The following PCDH15 variants were observed in gnomAD, a reference collection of about 807,000 sequenced individuals.
PCDH15 encodes protocadherin-15.
Under a neutral mutation model 178.5 loss-of-function variants are expected in PCDH15, and 129 were observed. That is an observed-to-expected ratio of 0.72 (90% confidence interval 0.63 to 0.84). PCDH15 has a LOEUF of 0.84. Ranked by LOEUF, PCDH15 falls within the 40% of genes least tolerant of loss-of-function variation. The pLI is 0.00. For synonymous variants in PCDH15, 800 were observed against 732.0 expected, an observed-to-expected ratio of 1.09 and a Z score of -1.50; for missense variants, 2,230 against 2,099.9, an observed-to-expected ratio of 1.06 and a Z score of -1.21.
intron 26 of PCDH15, among the ~76,000 whole-genome samples, chr10:53,901,414 G>A (rs574324409): frequency 5.3e-5 from 8 of 152,048 alleles, no homozygotes; most frequent in South Asian, 2.1e-4. Context: ...AATCCTATAT[G>A]TTCTATCCTT....
chr10:54,926,359 C>A (rs1837626081), intron 2 of PCDH15, among the ~76,000 whole-genome samples: 1 of 151,864 alleles, frequency 6.6e-6, no homozygotes, highest in Non-Finnish European at 1.5e-5. Flanking sequence ...CAGTATTTTG[C>A]TGTGGAGTTT....
intron 2 of PCDH15, among the ~76,000 whole-genome samples, chr10:54,927,579 G>C (rs771754695): frequency 4.6e-5 from 7 of 152,034 alleles, no homozygotes; most frequent in Non-Finnish European, 1.0e-4. Flanking sequence ...AAGTCTCTTT[G>C]AAGTTCTCTA....
At chr10:55,183,954 T>C (rs1484424911) in intron 1 of PCDH15, among the ~76,000 whole-genome samples, 1 of 152,014 alleles carries the variant, frequency 6.6e-6, no homozygotes, top group Non-Finnish European at 1.5e-5. Flanking sequence ...TGTGAAAATA[T>C]AAATGGATTG....
intron 25 of PCDH15, among the ~76,000 whole-genome samples, chr10:53,905,727 T>C (rs996844284): frequency 3.9e-5 from 6 of 152,186 alleles, no homozygotes; most frequent in African/African-American, 1.4e-4. Flanking sequence ...TACCAAATTG[T>C]TCCTATGAAA....
chr10:53,872,413 C>T (rs1305890037), intron 26 of PCDH15, among the ~76,000 whole-genome samples: 4 of 152,160 alleles, frequency 2.6e-5, no homozygotes, highest in African/African-American at 9.7e-5. Flanking sequence ...TAGTTAAGAC[C>T]TCTTCTTTGA....
chr10:54,158,661 T>C (rs1254012827), intron 13 of PCDH15, among the ~76,000 whole-genome samples: 1 of 152,230 alleles, frequency 6.6e-6, no homozygotes, highest in Non-Finnish European at 1.5e-5. Context: ...TAAAGATGAT[T>C]GAATTGTGCA....
chr10:54,896,372 G>T (rs1236220518), intron 3 of PCDH15, among the ~76,000 whole-genome samples: 1 of 152,106 alleles, frequency 6.6e-6, no homozygotes, highest in Non-Finnish European at 1.5e-5. Flanking sequence ...AGTTTGAAAA[G>T]ATTCCAAATT....
intron 2 of PCDH15, among the ~76,000 whole-genome samples, chr10:55,478,861 C>G (rs1050632426): frequency 6.7e-6 from 1 of 149,862 alleles, no homozygotes; most frequent in Non-Finnish European, 1.5e-5. Context: ...CAACCATACA[C>G]CAACAAATTG....
At chr10:55,243,058 A>C (rs1314347436) in intron 1 of PCDH15, among the ~76,000 whole-genome samples, 2 of 152,162 alleles carry the variant, frequency 1.3e-5, no homozygotes, top group African/African-American at 4.8e-5. Context: ...ATTTTTTTTC[A>C]AAACAACTTT....
chr10:54,103,414 A>G (rs957210723), intron 15 of PCDH15, among the ~76,000 whole-genome samples: 1 of 152,162 alleles, frequency 6.6e-6, no homozygotes, highest in Admixed American at 6.6e-5. Flanking sequence ...CTTGGGATCC[A>G]ATTACTCCTA....
At chr10:55,591,555 A>C (rs1307497886) in intron 2 of PCDH15, among the ~76,000 whole-genome samples, 1 of 152,210 alleles carries the variant, frequency 6.6e-6, no homozygotes, top group East Asian at 1.9e-4. Flanking sequence ...GTCAATAATT[A>C]AACATAATTA....
intron 2 of PCDH15, among the ~76,000 whole-genome samples, chr10:55,330,287 T>C (rs1844165622): frequency 1.3e-5 from 2 of 151,950 alleles, no homozygotes; most frequent in South Asian, 4.1e-4. Context: ...AGAAACAAGA[T>C]ATATTTGCCT....
intron 14 of PCDH15, among the ~76,000 whole-genome samples, chr10:54,146,162 C>G (rs1392448073): frequency 6.6e-6 from 1 of 151,798 alleles, no homozygotes; most frequent in Non-Finnish European, 1.5e-5. Context: ...TAATGATAAA[C>G]TTAGCATGTA....
chr10:55,151,946 C>T (rs1442884051), intron 2 of PCDH15, among the ~76,000 whole-genome samples: 2 of 151,724 alleles, frequency 1.3e-5, no homozygotes, highest in Admixed American at 1.3e-4. Context: ...AGAGGTAAAT[C>T]AGGGAAGAAG....
chr10:54,978,194 T>C (rs566807397), intron 2 of PCDH15, among the ~76,000 whole-genome samples: 21 of 152,130 alleles, frequency 1.4e-4, no homozygotes, highest in African/African-American at 4.8e-4. Flanking sequence ...TTGAAACTAG[T>C]AAAGGTAATA....
chr10:54,622,512 A>C (rs2093383749), intron 2 of PCDH15, among the ~76,000 whole-genome samples: 1 of 132,210 alleles, frequency 7.6e-6, no homozygotes, highest in Non-Finnish European at 1.6e-5. Context: ...AAACCACTTT[A>C]AATATTTCTT....
chr10:55,324,819 A>C (rs540464101), intron 2 of PCDH15, among the ~76,000 whole-genome samples: 19 of 152,298 alleles, frequency 1.2e-4, no homozygotes, highest in East Asian at 9.7e-4. Context: ...TAAATAGAAA[A>C]TCCCACAGTC....
chr10:54,026,145 T>C (rs1254866531), intron 18 of PCDH15, among the ~76,000 whole-genome samples: 1 of 151,838 alleles, frequency 6.6e-6, no homozygotes, highest in East Asian at 1.9e-4. Context: ...CTAGGCTCAC[T>C]GCAACCTTCA....
At chr10:54,850,905 G>A (rs1380928328) in intron 3 of PCDH15, among the ~76,000 whole-genome samples, 2 of 152,114 alleles carry the variant, frequency 1.3e-5, no homozygotes, top group Non-Finnish European at 2.9e-5. Context: ...CTAACAAGGA[G>A]CAATTGGAAT....
Sources: gnomAD v4.1 joint callset for allele counts (sites outside exome capture counted in the v4.1 genomes callset) on GRCh38, gnomAD v4.1.1 for gene constraint, MANE v1.5 for transcripts, NCBI Gene and HGNC (gene_info 2026-07-23, HGNC 2026-07-21) for gene names.